Variants in ANK2 observed in about 807,000 individuals in gnomAD.
The protein encoded by ANK2 is ankyrin-2.
A neutral mutation model predicts 360.5 loss-of-function variants in ANK2; 83 were observed. The observed-to-expected ratio is 0.23, with a 90% CI of 0.19 to 0.28. The LOEUF is 0.28. Ranked by LOEUF, ANK2 falls within the 10% of genes least tolerant of loss-of-function variation. ANK2 has a pLI of 1.00. For missense variants in ANK2, 4,201 were observed against 4,795.7 expected (o/e 0.88, Z 3.66); for synonymous variants, 1,740 against 1,759.5 (o/e 0.99, Z 0.28).
chr4:113,241,730 G>C lies in ANK2; in HGVS notation c.793-381G>C, dbSNP rs138683020. On this transcript the variant is annotated intron_variant, in intron 8 of 45. Coordinates refer to ENST00000357077, the MANE Select transcript of ANK2 (RefSeq NM_001148.6). ...TTTTAAGAATCATAAAACTTAAGAT[G>C]CCAGACTCTTTAAGTGCATGGATGT... Among the ~76,000 whole-genome samples, 359 of 152,228 alleles carry C rather than the reference G, an allele frequency of 2.4e-3. 1 individual carries two copies. Among genetic ancestry groups the C allele is most frequent in the African/African-American group, 8.4e-3 (348 of 41,540 alleles).
intron 1 of ANK2, among the ~76,000 whole-genome samples, chr4:113,093,982 G>A (rs2154355136): frequency 6.6e-6 from 1 of 152,188 alleles, no homozygotes; most frequent in Non-Finnish European, 1.5e-5. Flanking sequence ...TAATTAACTT[G>A]GCCAGTGTTT....
intron 1 of ANK2, among the ~76,000 whole-genome samples, chr4:113,120,497 T>C (rs1284205986): frequency 6.6e-6 from 1 of 152,224 alleles, no homozygotes; most frequent in Non-Finnish European, 1.5e-5. Flanking sequence ...CTAGATACTA[T>C]TTCCCAACTG....
At chr4:113,217,978 C>T (rs2099105778) in intron 4 of ANK2, among the ~76,000 whole-genome samples, 1 of 152,204 alleles carries the variant, frequency 6.6e-6, no homozygotes, top group Non-Finnish European at 1.5e-5. Flanking sequence ...TCAGCACTGT[C>T]TGGGCACACT....
At chr4:112,832,303 T>A (rs1316256342) in intron 1 of ANK2, among the ~76,000 whole-genome samples, 1 of 152,214 alleles carries the variant, frequency 6.6e-6, no homozygotes, top group Admixed American at 6.5e-5. Context: ...TCCGCCTCCC[T>A]TGGCCTTCCA....
the ANK2 span, among the ~76,000 whole-genome samples, chr4:112,724,178 C>G: frequency 6.6e-6 from 1 of 151,462 alleles, no homozygotes; most frequent in South Asian, 2.1e-4. Flanking sequence ...GAGTCTCGTG[C>G]CTTAGCCTTC....
In ANK2 at chr4:113,354,431, C is replaced by T. The variant is rs867717796; in HGVS notation, c.5813C>T (p.Pro1938Leu). 6.2e-7 allele frequency: 1 copy of T among 1,614,092 alleles called. No homozygotes were observed. The highest frequency in any genetic ancestry group is 1.1e-5 in the South Asian group (1 of 91,078). ...VSPGRTEKRLPVSPSGRTDKH... is the reference protein window; with the variant it reads ...VSPGRTEKRLLVSPSGRTDKH... ...CCTGGGAGAACAGAAAAACGCTTGC[C>T]TGTTTCACCCTCCGGAAGAACGGAC... Residue 1938 changes from proline (P) to leucine (L), a missense_variant, in exon 38 of 46, where the codon CCT (proline) becomes CTT (leucine). By Grantham distance (98) the Pro-to-Leu change is moderately conservative. This residue lies in a region of ANK2 where 2,642 missense variants were observed against 2,714.5 expected (regional missense o/e 0.97). Coordinates refer to ENST00000357077, the MANE Select transcript of ANK2 (RefSeq NM_001148.6).
chr4:113,144,171 A>G (rs1223447083), intron 1 of ANK2, among the ~76,000 whole-genome samples: 1 of 152,166 alleles, frequency 6.6e-6, no homozygotes, highest in Non-Finnish European at 1.5e-5. Flanking sequence ...AGTTAAAGTA[A>G]TTTCACTGAA....
intron 2 of ANK2, among the ~76,000 whole-genome samples, chr4:112,990,292 A>AATG (rs558019439): frequency 1.3e-5 from 2 of 152,044 alleles, no homozygotes; most frequent in Non-Finnish European, 2.9e-5. Context: ...TAATAATAAT[A>AATG]ATGCAGGCAT....
At chr4:112,799,957 T>C in the ANK2 span, among the ~76,000 whole-genome samples, 1 of 151,878 alleles carries the variant, frequency 6.6e-6, no homozygotes, top group Non-Finnish European at 1.5e-5. Context: ...ACATAGAAGG[T>C]TCTTGTTGAA....
chr4:113,371,892 A>G (rs765675563), intron 43 of ANK2, among the ~76,000 whole-genome samples: 1 of 152,158 alleles, frequency 6.6e-6, no homozygotes, highest in Non-Finnish European at 1.5e-5. Context: ...TCCTAAGGTA[A>G]TGTGTGCTAA....
At chr4:113,231,642 C>T (rs1200252292) in intron 4 of ANK2, among the ~76,000 whole-genome samples, 3 of 150,426 alleles carry the variant, frequency 2.0e-5, no homozygotes, top group Non-Finnish European at 4.4e-5. Flanking sequence ...CTCACTCTGT[C>T]ACCCAGGCTG....
chr4:113,133,994 A>G lies in ANK2; in HGVS notation c.85-40422A>G, dbSNP rs191763341. Among the ~76,000 whole-genome samples, 98 of 150,264 alleles carry G rather than the reference A, an allele frequency of 6.5e-4. 1 individual carries two copies. The highest frequency in any genetic ancestry group is 2.1e-3 in the African/African-American group (86 of 41,344). ...TAGCAGGGGGAGTCTCTGAAGAATTATGATGTGATTTACACTACAGCAAGG... is the reference window on the plus strand; with the variant it reads ...TAGCAGGGGGAGTCTCTGAAGAATTGTGATGTGATTTACACTACAGCAAGG... On this transcript the variant is annotated intron_variant, in intron 1 of 45. Transcript: ENST00000357077.
At chr4:112,872,880 C>G (rs887714160) in intron 1 of ANK2, among the ~76,000 whole-genome samples, 1 of 151,944 alleles carries the variant, frequency 6.6e-6, no homozygotes, top group African/African-American at 2.4e-5. Context: ...TTTTTAATTA[C>G]TGAATCAACT....
intron 2 of ANK2, among the ~76,000 whole-genome samples, chr4:112,969,652 A>C (rs1307771808): frequency 2.0e-5 from 3 of 152,200 alleles, no homozygotes; most frequent in Admixed American, 1.3e-4. Context: ...CAAGCAAACC[A>C]TATCTAGCCA....
intron 18 of ANK2, among the ~76,000 whole-genome samples, chr4:113,284,048 C>T (rs2063434837): frequency 6.6e-6 from 1 of 152,236 alleles, no homozygotes; most frequent in South Asian, 2.1e-4. Flanking sequence ...ACGTACTTCT[C>T]TGGCCTTTAT....
rs148450683 is a variant in ANK2, at chr4:113,285,444, A to T, written c.2080-2161A>T. Among the ~76,000 whole-genome samples the T allele has an allele frequency of 7.2e-4, 109 of 152,200 alleles. No homozygotes were observed. In the East Asian group the frequency reaches 0.019, roughly 26 times the overall value. ...GGCTTCAAGTTGGGGTTCCCAGGACACTCCCTTTGAGTTCCATTAATTCAC... is the reference window on the plus strand; with the variant it reads ...GGCTTCAAGTTGGGGTTCCCAGGACTCTCCCTTTGAGTTCCATTAATTCAC... On this transcript the variant is annotated intron_variant, in intron 18 of 45. Transcript: ENST00000357077.
At chr4:112,805,604 C>T in the ANK2 span, among the ~76,000 whole-genome samples, 15 of 145,570 alleles carry the variant, frequency 1.0e-4, no homozygotes, top group Admixed American at 8.4e-4. Context: ...TTTTTTAAGA[C>T]CGAGTCTCAC....
chr4:112,868,054 C>T (rs79715136), intron 1 of ANK2, among the ~76,000 whole-genome samples: 1,809 of 152,246 alleles, frequency 0.012, 33 homozygotes, highest in African/African-American at 0.042. Context: ...TCCATATCCT[C>T]GCTAACATTT....
At chr4:113,339,819 C>CA (rs761977959) in intron 32 of ANK2, among the ~76,000 whole-genome samples, 82 of 152,280 alleles carry the variant, frequency 5.4e-4, no homozygotes, top group Non-Finnish European at 8.2e-4. Context: ...CACAATAACT[C>CA]AATTGATTAA....
Sources: allele counts gnomAD v4.1 joint callset (sites outside exome capture counted in the v4.1 genomes callset), GRCh38; gene constraint gnomAD v4.1.1; regional missense constraint gnomAD v4.1.1; transcripts MANE v1.5; gene names NCBI Gene and HGNC (gene_info 2026-07-23, HGNC 2026-07-21).